The following CALM2 variants were observed in gnomAD, a reference collection of about 807,000 sequenced individuals.
CALM2 encodes calmodulin 2.
In CALM2, 2 loss-of-function variants were observed where a neutral mutation model predicts 19.8. The ratio of observed to expected loss-of-function variants is 0.10; its 90% CI spans 0.04 to 0.32. CALM2 has a LOEUF of 0.32. CALM2 is among the 10% of genes least tolerant of loss of function. CALM2 has a pLI of 1.00. For missense variants in CALM2, 38 were observed against 178.7 expected, an observed-to-expected ratio of 0.21 and a Z score of 4.49; for synonymous variants, 51 against 52.1, an observed-to-expected ratio of 0.98 and a Z score of 0.09.
intron 2 of CALM2, among the ~76,000 whole-genome samples, chr2:47,164,216 C>G (rs1462133254): frequency 7.0e-6 from 1 of 141,912 alleles, no homozygotes; most frequent in Non-Finnish European, 1.5e-5. Context: ...CCAGCCTGGG[C>G]GACAGAGCGA....
Position 47,160,781 on chromosome 2 carries a change from T to C in CALM2, c.445A>G (p.Lys149Glu). ...ACACATTCTGTACAAGGTCTTCACT[T>C]TGCTGTCATCATTTGTACAAACTCT... The part of the protein sequence containing the change: ...YEEFVQMMTA[K>E] Residue 149 changes from lysine (K) to glutamate (E), a missense_variant, in exon 6 of 6, where the codon AAG becomes GAG. Transcript: ENST00000272298. 6.6e-7 allele frequency: 1 copy of C among 1,518,704 alleles called. No individual in the cohort carries two copies. The allele number at this position is 1,518,704 out of a possible 1,614,324, so 94.1% of individuals were successfully genotyped here. A position where few individuals can be genotyped will look rare whatever the true frequency, so the allele number is the denominator to read the frequency against.
intron 2 of CALM2, chr2:47,163,501 C>A (rs1337921687): frequency 6.6e-6 from 1 of 151,476 alleles, no homozygotes; most frequent in Non-Finnish European, 1.5e-5. Context: ...GGTGCAATCT[C>A]AGCCCACCGC....
In CALM2 at chr2:47,162,558, CTTCTGTGGGA is replaced by C; in HGVS notation, c.129_138del (p.Asn43LysfsTer7). 6.2e-7 allele frequency: 1 copy of C among 1,614,108 alleles called. No individual in the cohort carries two copies. On this transcript the variant is annotated frameshift_variant, in exon 3 of 6. Transcript: ENST00000272298. LOFTEE classifies it high-confidence loss of function. ...TCATTAATCATGTCCTGTAACTCTG[CTTCTGTGGGA>C]TTCTGCCCAAGAGATCTCATTACAG...
intron 1 of CALM2, chr2:47,172,692 T>C (rs1233897886): frequency 3.5e-6 from 1 of 287,558 alleles, no homozygotes; most frequent in Non-Finnish European, 6.8e-6. Context: ...GACATCACTT[T>C]AAGGCTAAAA....
intron 5 of CALM2, 58 bp from the exon 6 acceptor site, chr2:47,160,862 A>G: frequency 2.1e-6 from 2 of 931,216 alleles, no homozygotes. Flanking sequence ...AAAAAAAAAA[A>G]AAAAAAAAAA....
At chr2:47,162,204 C>CAAAAAA in intron 4 of CALM2, 82 bp downstream of exon 4, 2 of 248,318 alleles carry the variant, frequency 8.1e-6, no homozygotes, top group Admixed American at 7.5e-5. Flanking sequence ...AAAAAAACAA[C>CAAAAAA]CAAAAAAACA....
rs1687127563 is a variant in CALM2 at position 47,160,671 on chromosome 2, A to T, written c.*105T>A. The T allele has an allele frequency of 3.2e-6, 2 of 621,590 alleles. No homozygotes were observed. Among genetic ancestry groups the T allele is most frequent in the South Asian group, 4.5e-5 (2 of 44,110 alleles). The allele number at this position is 621,590 out of a possible 1,614,324, so 38.5% of individuals were successfully genotyped here. On this transcript the variant is annotated 3_prime_UTR_variant, in exon 6 of 6. Transcript: ENST00000272298. The stretch of plus-strand genomic sequence containing the variant: ...GAAGTCCTAATTACTATACATGCAT[A>T]TTTTTTTGACAGTAGGGAGAAACCT...
chr2:47,163,206 CT>C (rs1233787535), intron 2 of CALM2: 4 of 152,550 alleles, frequency 2.6e-5, no homozygotes, highest in Non-Finnish European at 5.9e-5. Context: ...CAATCACCTA[CT>C]AAATTAAAAC....
intron 2 of CALM2, among the ~76,000 whole-genome samples, chr2:47,166,521 G>A (rs780257025): frequency 5.9e-5 from 9 of 152,068 alleles, no homozygotes; most frequent in African/African-American, 1.7e-4. Context: ...AAATAAAACC[G>A]TATCTATGCT....
chr2:47,172,176 C>CT (rs1666691750), intron 1 of CALM2: 6 of 209,820 alleles, frequency 2.9e-5, no homozygotes. Context: ...TCCAGTAAAT[C>CT]TGAGTTATTT....
At chr2:47,168,320 C>G (rs1666555131) in intron 2 of CALM2, among the ~76,000 whole-genome samples, 2 of 151,932 alleles carry the variant, frequency 1.3e-5, no homozygotes. Flanking sequence ...ATTTTTTTCC[C>G]TCTACTCCCA....
Position 47,162,297 on chromosome 2 carries a change from C to T in CALM2, c.274G>A (p.Val92Met). The T allele has an allele frequency of 6.3e-7, 1 of 1,598,062 alleles. No individual in the cohort carries two copies. Among genetic ancestry groups the T allele is most frequent in the Non-Finnish European group, 8.5e-7 (1 of 1,170,596 alleles). ...AGTCCTTGACGTACCTTATCAAACA[C>T]ACGGAATGCTTCTCTAATTTCTTCT... ...SEEEIREAFR[V>M]FDKDGNGYIS... The change falls in exon 4 of 6, where the codon GTG becomes ATG. Residue 92 changes from valine to methionine, a missense_variant. Transcript: ENST00000272298.
chr2:47,172,040 T>C (rs1666686209), intron 1 of CALM2: 1 of 146,490 alleles, frequency 6.8e-6, no homozygotes, highest in Non-Finnish European at 1.5e-5. Context: ...AATAATTAAG[T>C]TCAAATACAG....
At chr2:47,166,477 C>G (rs571483197) in intron 2 of CALM2, among the ~76,000 whole-genome samples, 1 of 152,172 alleles carries the variant, frequency 6.6e-6, no homozygotes, top group African/African-American at 2.4e-5. Flanking sequence ...TCTAATAACA[C>G]TTAAAATGTT....
intron 4 of CALM2, 81 bp from the exon 5 acceptor site, chr2:47,161,939 A>C (rs1023423013): frequency 4.2e-5 from 48 of 1,137,110 alleles, no homozygotes; most frequent in Non-Finnish European, 5.6e-5. Flanking sequence ...TTTACTACTA[A>C]ATTTCACATT....
At chr2:47,175,194 T>G (rs962711537) in intron 1 of CALM2, among the ~76,000 whole-genome samples, 2 of 150,278 alleles carry the variant, frequency 1.3e-5, no homozygotes, top group Admixed American at 6.7e-5. Flanking sequence ...TCACAGTATT[T>G]GACAGACAAA....
intron 1 of CALM2, 32 bp downstream of exon 1, chr2:47,176,409 G>T (rs1372113434): frequency 1.9e-6 from 3 of 1,611,678 alleles, no homozygotes; most frequent in Non-Finnish European, 2.5e-6. Context: ...CCCCCCACAG[G>T]CCCAGCGCCG....
intron 1 of CALM2, 63 bp downstream of exon 1, chr2:47,176,378 G>A (rs766067628): frequency 6.3e-7 from 1 of 1,596,674 alleles, no homozygotes; most frequent in African/African-American, 1.3e-5. Flanking sequence ...CCTTTGTTTA[G>A]TCAGTTCGCT....
At chr2:47,168,131 T>C (rs1444576852) in intron 2 of CALM2, among the ~76,000 whole-genome samples, 2 of 152,148 alleles carry the variant, frequency 1.3e-5, no homozygotes, top group Admixed American at 6.5e-5. Flanking sequence ...ATGTGGCAGG[T>C]ACCGGGCCTA....
Sources: gnomAD v4.1 joint callset for allele counts (sites outside exome capture counted in the v4.1 genomes callset) on GRCh38, gnomAD v4.1.1 for gene constraint, MANE v1.5 for transcripts, NCBI Gene and HGNC (gene_info 2026-07-23, HGNC 2026-07-21) for gene names.